TRPS1: variants seen among roughly 807,000 people sequenced by gnomAD.
TRPS1 encodes transcriptional repressor GATA binding 1.
TRPS1 carries 6 observed loss-of-function variants against 101.2 expected under a neutral mutation model. The observed-to-expected ratio is 0.06, with a 90% CI of 0.03 to 0.12. The LOEUF (loss-of-function observed/expected upper bound fraction) is 0.12. TRPS1 is among the 10% of genes least tolerant of loss of function. The pLI, the probability that TRPS1 is intolerant of heterozygous loss-of-function variation, is 1.00. For missense variants in TRPS1, 1,363 were observed against 1,567.0 expected, an observed-to-expected ratio of 0.87 and a Z score of 2.20; for synonymous variants, 578 against 589.8, an observed-to-expected ratio of 0.98 and a Z score of 0.29.
chr8:115,426,638 C>G (rs1225824934), intron 5 of TRPS1, among the ~76,000 whole-genome samples: 4 of 152,172 alleles, frequency 2.6e-5, no homozygotes, highest in African/African-American at 9.7e-5. Context: ...GTTTCTCACA[C>G]TCTTGGGGAT....
At chr8:115,565,914 G>A (rs1817057111) in intron 5 of TRPS1, among the ~76,000 whole-genome samples, 1 of 152,044 alleles carries the variant, frequency 6.6e-6, no homozygotes. Context: ...TTAAAAGGAC[G>A]AAAGACATTT....
intron 5 of TRPS1, among the ~76,000 whole-genome samples, chr8:115,487,294 T>C (rs756544779): frequency 6.6e-6 from 1 of 152,168 alleles, no homozygotes; most frequent in East Asian, 1.9e-4. Flanking sequence ...TCACTGCTCA[T>C]TGACAATGCA....
At chr8:115,557,698 C>G (rs941371339) in intron 5 of TRPS1, among the ~76,000 whole-genome samples, 2 of 152,144 alleles carry the variant, frequency 1.3e-5, no homozygotes, top group Non-Finnish European at 2.9e-5. Context: ...ACACCTCTTT[C>G]CTTTGCAAAT....
chr8:115,595,127 A>G (rs1201723257), intron 4 of TRPS1, among the ~76,000 whole-genome samples: 1 of 152,022 alleles, frequency 6.6e-6, no homozygotes, highest in Non-Finnish European at 1.5e-5. Flanking sequence ...AGAATCAAAC[A>G]ACTACAGATA....
chr8:115,554,248 AT>A (rs1364257718), intron 5 of TRPS1, among the ~76,000 whole-genome samples: 1 of 152,004 alleles, frequency 6.6e-6, no homozygotes, highest in South Asian at 2.1e-4. Flanking sequence ...ATAGGGGAGG[AT>A]TTTTTTCTCC....
chr8:115,431,640 AAAGG>A (rs1220809499), intron 5 of TRPS1, among the ~76,000 whole-genome samples: 1 of 151,990 alleles, frequency 6.6e-6, no homozygotes, highest in African/African-American at 2.4e-5. Context: ...TCTAGAACAT[AAAGG>A]AACACATTGT....
chr8:115,609,759 C>T (rs75600177), intron 3 of TRPS1, among the ~76,000 whole-genome samples: 2,057 of 152,318 alleles, frequency 0.014, 42 homozygotes, highest in African/African-American at 0.045. Context: ...TAAGGACTAG[C>T]ATGGCTTTTT....
chr8:115,568,372 A>G (rs1246289688), intron 5 of TRPS1, among the ~76,000 whole-genome samples: 1 of 152,174 alleles, frequency 6.6e-6, no homozygotes, highest in Non-Finnish European at 1.5e-5. Flanking sequence ...AAACATAAAT[A>G]TGACATAATT....
intron 3 of TRPS1, among the ~76,000 whole-genome samples, chr8:115,616,290 A>C (rs1818274793): frequency 1.3e-5 from 2 of 152,234 alleles, no homozygotes; most frequent in South Asian, 4.1e-4. Context: ...ACAAAAGTGG[A>C]TATTATCAGC....
intron 5 of TRPS1, among the ~76,000 whole-genome samples, chr8:115,479,187 A>G (rs899626424): frequency 6.6e-6 from 1 of 152,152 alleles, no homozygotes; most frequent in Non-Finnish European, 1.5e-5. Context: ...TATTAAAATA[A>G]CAATTGTCAG....
chr8:115,610,136 A>G (rs1818129336), intron 3 of TRPS1, among the ~76,000 whole-genome samples: 1 of 152,218 alleles, frequency 6.6e-6, no homozygotes, highest in Non-Finnish European at 1.5e-5. Flanking sequence ...TTCATTTTCA[A>G]GTACTATAAT....
At chr8:115,505,972 C>T (rs1815433820) in intron 5 of TRPS1, among the ~76,000 whole-genome samples, 1 of 151,852 alleles carries the variant, frequency 6.6e-6, no homozygotes, top group Non-Finnish European at 1.5e-5. Flanking sequence ...ACTATAATGG[C>T]TTTGAAAATC....
intron 6 of TRPS1, among the ~76,000 whole-genome samples, chr8:115,417,205 A>G (rs1461037081): frequency 2.0e-5 from 3 of 152,180 alleles, no homozygotes; most frequent in Non-Finnish European, 4.4e-5. Context: ...CATTAAATAG[A>G]AACTTATTGC....
intron 5 of TRPS1, among the ~76,000 whole-genome samples, chr8:115,487,657 G>A (rs765473956): frequency 4.7e-4 from 72 of 152,268 alleles, no homozygotes; most frequent in Non-Finnish European, 7.5e-4. Context: ...AAGACTTCAC[G>A]TGGAGTAAGT....
chr8:115,632,488 A>C (rs1818668694), intron 1 of TRPS1, among the ~76,000 whole-genome samples: 1 of 152,128 alleles, frequency 6.6e-6, no homozygotes. Flanking sequence ...ACACACAAAC[A>C]CACGTGCACA....
intron 5 of TRPS1, among the ~76,000 whole-genome samples, chr8:115,483,832 C>T (rs1301206344): frequency 6.6e-6 from 1 of 152,112 alleles, no homozygotes; most frequent in East Asian, 1.9e-4. Context: ...AGAAATTACA[C>T]CACAATCAGC....
chr8:115,621,759 T>C (rs564073314), intron 2 of TRPS1, among the ~76,000 whole-genome samples: 20 of 151,170 alleles, frequency 1.3e-4, no homozygotes, highest in African/African-American at 4.8e-4. Context: ...ACAAAAAAAA[T>C]ACAAAAATTA....
intron 5 of TRPS1, among the ~76,000 whole-genome samples, chr8:115,430,629 G>C (rs1049613618): frequency 1.3e-5 from 2 of 152,048 alleles, no homozygotes; most frequent in African/African-American, 2.4e-5. Flanking sequence ...GAGAGGAGAG[G>C]AAAGGAACAG....
chr8:115,580,837 G>T (rs773813450), intron 5 of TRPS1, among the ~76,000 whole-genome samples: 3 of 151,956 alleles, frequency 2.0e-5, no homozygotes, highest in Non-Finnish European at 4.4e-5. Context: ...GAACAGTATG[G>T]AGGCTCCTCA....
Sources: allele counts gnomAD v4.1 joint callset (sites outside exome capture counted in the v4.1 genomes callset), GRCh38; gene constraint gnomAD v4.1.1; transcripts MANE v1.5; gene names NCBI Gene and HGNC (gene_info 2026-07-23, HGNC 2026-07-21).